The following TRAM2 variants were observed in gnomAD, a reference collection of about 807,000 sequenced individuals.
TRAM2 encodes translocating chain-associated membrane protein 2.
Under a neutral mutation model 51.0 loss-of-function variants are expected in TRAM2, and 12 were observed. The observed-to-expected ratio is 0.24, with a 90% confidence interval of 0.15 to 0.38. The LOEUF is 0.38. Ranked by LOEUF, TRAM2 falls within the 10% of genes least tolerant of loss-of-function variation. The pLI is 1.00. For missense variants in TRAM2, 361 were observed against 462.0 expected, an observed-to-expected ratio of 0.78 and a Z score of 2.00; for synonymous variants, 175 against 179.4, an observed-to-expected ratio of 0.98 and a Z score of 0.20.
At chr6:52,568,123 A>G (rs1280083589) in intron 1 of TRAM2, among the ~76,000 whole-genome samples, 1 of 152,204 alleles carries the variant, frequency 6.6e-6, no homozygotes, top group Non-Finnish European at 1.5e-5. Flanking sequence ...AGGCTATTTA[A>G]TGGAAGAATC....
At chr6:52,560,228 C>A in intron 1 of TRAM2, among the ~76,000 whole-genome samples, 1 of 148,234 alleles carries the variant, frequency 6.7e-6, no homozygotes, top group African/African-American at 2.5e-5. Context: ...GCCTGAGTGA[C>A]AAGAGCGAAA....
chr6:52,543,499 T>C (rs992613969), intron 1 of TRAM2, among the ~76,000 whole-genome samples: 1 of 152,230 alleles, frequency 6.6e-6, no homozygotes, highest in African/African-American at 2.4e-5. Context: ...AAAAGCCACC[T>C]GTTCTGATGC....
chr6:52,531,968 T>C (rs970808844), intron 2 of TRAM2, among the ~76,000 whole-genome samples: 2 of 152,202 alleles, frequency 1.3e-5, no homozygotes, highest in African/African-American at 4.8e-5. Context: ...GCTTGATTAA[T>C]TAATTAAGCA....
rs137922566 is a variant in TRAM2, at chr6:52,504,714, G to C, written c.916C>G (p.Leu306Val). 1.9e-6 allele frequency: 3 copies of C among 1,611,120 alleles called. No homozygotes were observed. Among genetic ancestry groups the C allele is most frequent in the African/African-American group, 2.7e-5 (2 of 74,882 alleles). ...LLLVCAAQAWLMWRFIHSQLR... is the reference protein window; with the variant it reads ...LLLVCAAQAWVMWRFIHSQLR... Reference sequence around the variant, plus strand: ...TGGGAGTGGATGAAGCGCCACATGAGCCAGGCCTGGGCGGCACACACCAGC... The same window carrying C: ...TGGGAGTGGATGAAGCGCCACATGACCCAGGCCTGGGCGGCACACACCAGC... The change falls in exon 10 of 11, where the codon CTC becomes GTC. Residue 306 changes from leucine to valine, a missense_variant. Coordinates refer to ENST00000182527, the MANE Select transcript of TRAM2 (RefSeq NM_012288.4).
At chr6:52,558,122 C>G (rs1425233289) in intron 1 of TRAM2, among the ~76,000 whole-genome samples, 1 of 152,210 alleles carries the variant, frequency 6.6e-6, no homozygotes, top group Non-Finnish European at 1.5e-5. Context: ...CACGTGGGCT[C>G]AGCTATAGAG....
intron 1 of TRAM2, among the ~76,000 whole-genome samples, chr6:52,536,727 CGTT>C (rs1001695848): frequency 6.6e-6 from 1 of 152,126 alleles, no homozygotes; most frequent in Non-Finnish European, 1.5e-5. Context: ...CAGCTGCTAG[CGTT>C]GTTCAAAGCT....
chr6:52,556,845 T>A (rs13218090), intron 1 of TRAM2, among the ~76,000 whole-genome samples: 33,063 of 151,094 alleles, frequency 0.22, 3,742 homozygotes, highest in Non-Finnish European at 0.27. Context: ...GGGGAATTGC[T>A]TGAACCCAGG....
chr6:52,553,949 A>T (rs1767355796), intron 1 of TRAM2, among the ~76,000 whole-genome samples: 1 of 152,170 alleles, frequency 6.6e-6, no homozygotes, highest in Admixed American at 6.5e-5. Flanking sequence ...TGCATAAATC[A>T]AGCTTAACAA....
intron 10 of TRAM2, among the ~76,000 whole-genome samples, chr6:52,503,870 C>T (rs2114057950): frequency 6.6e-6 from 1 of 152,322 alleles, no homozygotes; most frequent in East Asian, 1.9e-4. Flanking sequence ...CCCCATACCT[C>T]CCCCGCCAGC....
intron 1 of TRAM2, among the ~76,000 whole-genome samples, chr6:52,551,933 C>G (rs747049199): frequency 6.6e-6 from 1 of 152,262 alleles, no homozygotes; most frequent in Non-Finnish European, 1.5e-5. Context: ...CCTTCTCAGT[C>G]CCCCACAGCA....
chr6:52,570,798 C>CCG (rs1554267155), intron 1 of TRAM2, among the ~76,000 whole-genome samples: 1 of 114,588 alleles, frequency 8.7e-6, no homozygotes, highest in African/African-American at 3.3e-5. Flanking sequence ...GCCCACCACC[C>CCG]CCCCCCCCAC....
chr6:52,559,350 T>C (rs1157646422), intron 1 of TRAM2, among the ~76,000 whole-genome samples: 1 of 152,184 alleles, frequency 6.6e-6, no homozygotes, highest in Non-Finnish European at 1.5e-5. Context: ...GTGACTTGAA[T>C]TATCTTGGCC....
At chr6:52,549,667 A>G (rs1324312839) in intron 1 of TRAM2, among the ~76,000 whole-genome samples, 4 of 152,040 alleles carry the variant, frequency 2.6e-5, no homozygotes, top group Admixed American at 2.0e-4. Context: ...TGCACCAGAA[A>G]CTCCTCTTGG....
intron 1 of TRAM2, among the ~76,000 whole-genome samples, chr6:52,553,730 G>A (rs1264748946): frequency 6.6e-6 from 1 of 152,182 alleles, no homozygotes; most frequent in African/African-American, 2.4e-5. Flanking sequence ...CACTAACTCT[G>A]AAATGGAGTT....
At chr6:52,525,741 G>A (rs534114064) in intron 2 of TRAM2, among the ~76,000 whole-genome samples, 3 of 152,322 alleles carry the variant, frequency 2.0e-5, no homozygotes, top group African/African-American at 7.2e-5. Context: ...CCAGGAGGTG[G>A]AGGTTGCAGT....
chr6:52,561,338 A>G (rs951844091), intron 1 of TRAM2, among the ~76,000 whole-genome samples: 4 of 152,240 alleles, frequency 2.6e-5, no homozygotes, highest in African/African-American at 9.6e-5. Context: ...GCTGAAGTGC[A>G]GTGGCGCAAT....
At chr6:52,544,336 G>C (rs1767159608) in intron 1 of TRAM2, among the ~76,000 whole-genome samples, 1 of 152,216 alleles carries the variant, frequency 6.6e-6, no homozygotes, top group Non-Finnish European at 1.5e-5. Context: ...TGTGATCTCT[G>C]TGTCCTAGTT....
intron 10 of TRAM2, among the ~76,000 whole-genome samples, chr6:52,504,217 A>T (rs1017486857): frequency 3.5e-4 from 54 of 152,238 alleles, no homozygotes; most frequent in Non-Finnish European, 1.5e-4. Flanking sequence ...GCAAAAGGGC[A>T]GGTGAGGACA....
chr6:52,506,179 T>C (rs114834804), intron 7 of TRAM2, 43 bp from the exon 8 acceptor site: 5 of 1,564,342 alleles, frequency 3.2e-6, no homozygotes, highest in Non-Finnish European at 3.5e-6. Flanking sequence ...TCCAAGATGC[T>C]GCGTGGAGCA....
Sources: gnomAD v4.1 joint callset for allele counts (sites outside exome capture counted in the v4.1 genomes callset) on GRCh38, gnomAD v4.1.1 for gene constraint, MANE v1.5 for transcripts, NCBI Gene and HGNC (gene_info 2026-07-23, HGNC 2026-07-21) for gene names.